The following CPSF7 variants were observed in gnomAD, a reference collection of about 807,000 sequenced individuals.
The protein encoded by CPSF7 is cleavage and polyadenylation specificity factor subunit 7.
In CPSF7, 1 loss-of-function variant was observed where a neutral mutation model predicts 44.3. The observed-to-expected ratio is 0.02, with a 90% CI of 0.01 to 0.11. The LOEUF is 0.11. CPSF7 is among the 10% of genes least tolerant of loss of function. The pLI, the probability that CPSF7 is intolerant of heterozygous loss-of-function variation, is 1.00. For synonymous variants in CPSF7, 202 were observed against 222.0 expected (o/e 0.91, Z 0.80); for missense variants, 443 against 607.2 (o/e 0.73, Z 2.84).
chr11:61,411,854 G>T lies in CPSF7; in HGVS notation c.1141C>A (p.Arg381Ser). ...QSRVANDERC[R>S]VLISSLKDCL... is the part of the protein sequence containing the mutation. ...TCCTTAAGAGAGGAGATGAGGACAC[G>T]GCAACGCTCATCATTGGCAACCCGG... is the stretch of plus-strand genomic sequence containing the variant. The change falls in exon 8 of 10, where the codon CGT becomes AGT. Residue 381 changes from arginine (R) to serine (S), a missense_variant. Coordinates refer to ENST00000439958, the MANE Select transcript of CPSF7 (RefSeq NM_001142565.3). 1.9e-6 allele frequency: 3 copies of T among 1,613,814 alleles called. No individual in the cohort carries two copies. Among genetic ancestry groups the T allele is most frequent in the Non-Finnish European group, 2.5e-6 (3 of 1,179,700 alleles).
At position 61,416,404 on chromosome 11, in the gene CPSF7, C is replaced by T. The variant is rs371227588; in HGVS notation, c.639G>A (p.Leu213=). The T allele has an allele frequency of 4.3e-6, 7 of 1,613,500 alleles. No individual in the cohort carries two copies. Among genetic ancestry groups the T allele is most frequent in the Non-Finnish European group, 5.9e-6 (7 of 1,179,782 alleles). ...SARVDKPPSV[L]PYFNRPPSAL... is the part of the protein sequence containing the mutation. The stretch of plus-strand genomic sequence containing the variant: ...CCGAAGGAGGACGATTGAAGTAGGG[C>T]AGCACACTGGGGGGCTTATCCACAC... Residue 213 remains leucine, a synonymous_variant, in exon 6 of 10, where the codon CTG becomes CTA. Coordinates refer to ENST00000439958, the MANE Select transcript of CPSF7 (RefSeq NM_001142565.3).
chr11:61,422,773 T>A (rs180979451), intron 2 of CPSF7, among the ~76,000 whole-genome samples: 12 of 152,338 alleles, frequency 7.9e-5, no homozygotes, highest in Non-Finnish European at 1.5e-4. Context: ...TGTGATATCT[T>A]ACTTACTATA....
At chr11:61,414,334 A>C (rs1860122926) in intron 7 of CPSF7, among the ~76,000 whole-genome samples, 1 of 151,700 alleles carries the variant, frequency 6.6e-6, no homozygotes, top group Non-Finnish European at 1.5e-5. Flanking sequence ...TTTTTGTATT[A>C]TTAGTAGAGA....
intron 7 of CPSF7, among the ~76,000 whole-genome samples, chr11:61,412,908 G>T (rs1859983883): frequency 6.6e-6 from 1 of 152,176 alleles, no homozygotes; most frequent in Non-Finnish European, 1.5e-5. Context: ...AATTCTGGAG[G>T]AATATAAACT....
intron 5 of CPSF7, among the ~76,000 whole-genome samples, chr11:61,419,680 A>G (rs1860679316): frequency 6.6e-6 from 1 of 152,192 alleles, no homozygotes; most frequent in Admixed American, 6.5e-5. Flanking sequence ...CTAAGTAGTA[A>G]AGTGACTTGG....
intron 5 of CPSF7, among the ~76,000 whole-genome samples, chr11:61,418,145 G>C (rs973890523): frequency 2.6e-5 from 4 of 152,150 alleles, no homozygotes; most frequent in African/African-American, 9.7e-5. Context: ...AATCTATCTA[G>C]GCTGTCAATC....
Position 61,411,912 on chromosome 11 carries a change from C to G in CPSF7, c.1083G>C (p.Thr361=), listed in dbSNP as rs774406041. ...TGATAACCGCAATGGCTGTGAGCAGCGTCTCAATTGCGTCACTGTAATCCC... is the reference window on the plus strand; with the variant it reads ...TGATAACCGCAATGGCTGTGAGCAGGGTCTCAATTGCGTCACTGTAATCCC... ...SAGDYSDAIE[T]LLTAIAVIKQ... is the part of the protein sequence containing the mutation. The change falls in exon 8 of 10, where the codon ACG becomes ACC. Residue 361 remains threonine, a synonymous_variant. Transcript: ENST00000439958. 1.2e-6 allele frequency: 2 copies of G among 1,614,028 alleles called. No individual in the cohort carries two copies. Among genetic ancestry groups the G allele is most frequent in the Admixed American group, 3.3e-5 (2 of 59,998 alleles).
intron 1 of CPSF7, 147 bp downstream of exon 1, chr11:61,429,767 G>C (rs1246887155): frequency 6.5e-7 from 1 of 1,544,618 alleles, no homozygotes; most frequent in African/African-American, 1.4e-5. Context: ...CCGGCCCGGC[G>C]CGCTCTGCCT....
chr11:61,413,017 T>G (rs1859991090), intron 7 of CPSF7, among the ~76,000 whole-genome samples: 1 of 152,196 alleles, frequency 6.6e-6, no homozygotes, highest in Non-Finnish European at 1.5e-5. Context: ...AGCAGTGGTA[T>G]GATCATAGCT....
In CPSF7 at chr11:61,429,964, G is replaced by T; in HGVS notation, c.-106C>A. The T allele has an allele frequency of 7.7e-7, 1 of 1,304,706 alleles. No individual in the cohort carries two copies. The highest frequency in any genetic ancestry group is 1.0e-6 in the Non-Finnish European group (1 of 971,310). 80.8% of individuals were successfully genotyped at this position (1,304,706 alleles called of 1,614,324 possible). A position where few individuals can be genotyped will look rare whatever the true frequency, so the allele number is the denominator to read the frequency against. On this transcript the variant is annotated 5_prime_UTR_variant, in exon 1 of 10. Coordinates refer to ENST00000439958, the MANE Select transcript of CPSF7 (RefSeq NM_001142565.3). ...AGTCCGGACTAGGCCCGAAGCGCGC[G>T]AACCGCTCTCCGCCCCAGGTCCCGC...
At chr11:61,429,814 G>A (rs1861790355) in intron 1 of CPSF7, 100 bp downstream of exon 1, 1 of 1,548,116 alleles carries the variant, frequency 6.5e-7, no homozygotes, top group Non-Finnish European at 8.7e-7. Flanking sequence ...TCCGCCCGCA[G>A]ACTCCGGCCG....
chr11:61,406,358 TA>T (rs1352895425), intron 9 of CPSF7, among the ~76,000 whole-genome samples: 3 of 152,210 alleles, frequency 2.0e-5, no homozygotes, highest in African/African-American at 7.2e-5. Context: ...TCATAGAATA[TA>T]AATATGATTC....
rs148252018 is a variant in CPSF7, at chr11:61,416,356, G to A, written c.687C>T (p.Pro229=). Residue 229 remains proline (P), a synonymous_variant, in exon 6 of 10, where the codon CCC becomes CCT. Transcript: ENST00000439958. ...PPSALPLMGL[P]PPPIPPPPPL... ...GTGGTGGGGGTGGAATTGGTGGTGG[G>A]GGCAGACCCATCAGGGGAAGGGCCG... The A allele has an allele frequency of 4.4e-5, 70 of 1,604,528 alleles. No individual in the cohort carries two copies. In the South Asian group the frequency reaches 5.0e-4, roughly 11 times the overall value.
chr11:61,426,371 A>T (rs1861338537), intron 2 of CPSF7: 1 of 152,008 alleles, frequency 6.6e-6, no homozygotes, highest in African/African-American at 2.4e-5. Context: ...AGATGACACT[A>T]ACACTAACTT....
At chr11:61,424,562 C>G (rs1242722307) in intron 2 of CPSF7, among the ~76,000 whole-genome samples, 1 of 152,198 alleles carries the variant, frequency 6.6e-6, no homozygotes. Context: ...AAGTGATTCT[C>G]CTGCCTCAGC....
At chr11:61,428,436 T>C (rs1279899676) in intron 2 of CPSF7, among the ~76,000 whole-genome samples, 1 of 152,148 alleles carries the variant, frequency 6.6e-6, no homozygotes, top group Non-Finnish European at 1.5e-5. Context: ...TCTTCCCATC[T>C]CAGGCTCCAG....
intron 7 of CPSF7, among the ~76,000 whole-genome samples, chr11:61,413,630 T>C (rs1860049323): frequency 7.0e-6 from 1 of 143,792 alleles, no homozygotes; most frequent in Non-Finnish European, 1.5e-5. Flanking sequence ...CCAGACTTCG[T>C]CTCAAAAAAA....
At chr11:61,408,918 C>T (rs1280240716) in intron 9 of CPSF7, among the ~76,000 whole-genome samples, 2 of 152,198 alleles carry the variant, frequency 1.3e-5, no homozygotes, top group South Asian at 2.1e-4. Context: ...GCTTCATGCC[C>T]ATAATCCCAC....
chr11:61,415,186 C>T (rs1860208426), intron 7 of CPSF7, among the ~76,000 whole-genome samples: 1 of 152,092 alleles, frequency 6.6e-6, no homozygotes, highest in Admixed American at 6.5e-5. Flanking sequence ...TGTAGTGAGC[C>T]AAGATTGCAC....
Sources: gnomAD v4.1 joint callset for allele counts (sites outside exome capture counted in the v4.1 genomes callset) on GRCh38, gnomAD v4.1.1 for gene constraint, MANE v1.5 for transcripts, NCBI Gene and HGNC (gene_info 2026-07-23, HGNC 2026-07-21) for gene names.